The following LRRC75A variants were observed in gnomAD, a reference collection of about 807,000 sequenced individuals.
The protein encoded by LRRC75A is leucine rich repeat containing 75A.
Under a neutral mutation model 26.0 loss-of-function variants are expected in LRRC75A, and 12 were observed. The ratio of observed to expected loss-of-function variants is 0.46; its 90% CI spans 0.30 to 0.75. The LOEUF is 0.75. Ranked by LOEUF, LRRC75A falls within the 30% of genes least tolerant of loss-of-function variation. LRRC75A has a pLI of 0.08. For synonymous variants in LRRC75A, 223 were observed against 219.3 expected, an observed-to-expected ratio of 1.02 and a Z score of -0.15; for missense variants, 410 against 486.6, an observed-to-expected ratio of 0.84 and a Z score of 1.48.
chr17:16,447,787 G>C, intron 3 of LRRC75A, 58 bp downstream of exon 3: 1 of 1,305,312 alleles, frequency 7.7e-7, no homozygotes, highest in Non-Finnish European at 1.0e-6. Context: ...CCCTGGGAGG[G>C]GTGCCCTGTA....
At chr17:16,482,806 T>C (rs957231153) in intron 1 of LRRC75A, among the ~76,000 whole-genome samples, 4 of 152,238 alleles carry the variant, frequency 2.6e-5, no homozygotes, top group African/African-American at 9.6e-5. Flanking sequence ...CTTTCCCTAC[T>C]TGTCCCAACT....
Position 16,462,363 on chromosome 17 carries a change from C to G in LRRC75A, c.270G>C (p.Ser90=). ...CGTAGCGATACAGAACGTCGTCTAG[C>G]GAGGTCGACTCCATGCCCAGGTCCT... is the stretch of plus-strand genomic sequence containing the variant. The part of the protein sequence containing the change: ...LRQDLGMEST[S]LDDVLYRYAS... The change falls in exon 2 of 4, where the codon TCG becomes TCC. Residue 90 remains serine (S), a synonymous_variant. Transcript: ENST00000470794. This position sits in a 1 kb window ranked among gnomAD's most constrained non-coding sequence, Gnocchi z 4.6. 1 of 1,614,090 alleles carries G rather than the reference C, an allele frequency of 6.2e-7. No individual in the cohort carries two copies. The highest frequency in any genetic ancestry group is 8.5e-7 in the Non-Finnish European group (1 of 1,180,020).
At chr17:16,453,302 A>ACACACG (rs371332785) in intron 2 of LRRC75A, among the ~76,000 whole-genome samples, 2 of 100,470 alleles carry the variant, frequency 2.0e-5, no homozygotes, top group South Asian at 2.7e-4. Context: ...TCCTAAACAC[A>ACACACG]CACACACACG....
In LRRC75A at chr17:16,443,806, C is replaced by T. The variant is rs757875104; in HGVS notation, c.817G>A (p.Asp273Asn). 1 of 1,613,954 alleles carries T rather than the reference C, an allele frequency of 6.2e-7. No individual in the cohort carries two copies. Residue 273 changes from aspartate (D) to asparagine (N), a missense_variant, in exon 4 of 4, where the codon GAC (aspartate) becomes AAC (asparagine). Asp to Asn is a conservative substitution (Grantham distance 23). Transcript: ENST00000470794. Reference protein sequence around the residue: ...VTWIDLGNNVDIFSLPQPFLL... With the variant: ...VTWIDLGNNVNIFSLPQPFLL... The stretch of plus-strand genomic sequence containing the variant: ...AAGGGCTGGGGCAAGGAGAAGATGT[C>T]CACGTTGTTGCCCAGGTCAATCCAC...
intron 1 of LRRC75A, among the ~76,000 whole-genome samples, chr17:16,482,840 C>G (rs965983607): frequency 6.6e-6 from 1 of 152,258 alleles, no homozygotes; most frequent in Non-Finnish European, 1.5e-5. Context: ...CTTAGGTGCC[C>G]AGGGACGTAT....
rs1555888924 is a variant in LRRC75A at position 16,456,267 on chromosome 17, G to GGAT, written c.375+5990_375+5991insATC. On this transcript the variant is annotated intron_variant, in intron 2 of 3. Transcript: ENST00000470794. ...AGAAGAAGGAAGAGGATCAGGAAGA[G>GGAT]GAGGAGGAGGAAGAGGAGGAGGAAG... is the stretch of plus-strand genomic sequence containing the variant. Among the ~76,000 whole-genome samples the GGAT allele has an allele frequency of 3.2e-5, 4 of 124,196 alleles. 1 individual carries two copies. The highest frequency in any genetic ancestry group is 1.3e-4 in the African/African-American group (4 of 31,628). The allele number at this position is 124,196 out of a possible 152,430, so 81.5% of individuals were successfully genotyped here.
chr17:16,472,667 G>T (rs543819133), intron 1 of LRRC75A, among the ~76,000 whole-genome samples: 1 of 152,326 alleles, frequency 6.6e-6, no homozygotes, highest in East Asian at 1.9e-4. Context: ...AGAATTAGGC[G>T]TATCAGAGTA....
In LRRC75A at chr17:16,448,832, G is replaced by A. The variant is rs375050128; in HGVS notation, c.376-872C>T. Among the ~76,000 whole-genome samples the A allele has an allele frequency of 3.9e-5, 6 of 152,336 alleles. No homozygotes were observed. The East Asian group carries it at 7.7e-4, about 20-fold the overall frequency. On this transcript the variant is annotated intron_variant, in intron 2 of 3. Coordinates refer to ENST00000470794, the MANE Select transcript of LRRC75A (RefSeq NM_001113567.3). ...GCCTCAGAAGGAAACCCACCAGCCA[G>A]CCTTGGACTTCTAGCCTTCAGAGCT...
intron 3 of LRRC75A, chr17:16,446,874 C>T (rs1326255802): frequency 2.6e-6 from 1 of 385,032 alleles, no homozygotes; most frequent in Non-Finnish European, 5.2e-6. Context: ...ACCATCACAG[C>T]CTTACACTGT....
At chr17:16,451,939 G>A (rs2093634791) in intron 2 of LRRC75A, among the ~76,000 whole-genome samples, 1 of 151,202 alleles carries the variant, frequency 6.6e-6, no homozygotes, top group African/African-American at 2.4e-5. Flanking sequence ...TAGAGACGGG[G>A]GGTCTCACTG....
At chr17:16,455,774 G>C (rs73980134) in intron 2 of LRRC75A, among the ~76,000 whole-genome samples, 6 of 152,220 alleles carry the variant, frequency 3.9e-5, no homozygotes, top group African/African-American at 9.6e-5. Flanking sequence ...CTCCCAGCTT[G>C]TAAGACGGAG....
chr17:16,464,575 C>A (rs1265212593), intron 1 of LRRC75A, among the ~76,000 whole-genome samples: 2 of 152,212 alleles, frequency 1.3e-5, no homozygotes, highest in Non-Finnish European at 2.9e-5. Context: ...TACATTTCTG[C>A]CCCCTCCTCC....
Position 16,488,030 on chromosome 17 carries a change from C to T in LRRC75A, c.246+3715G>A, listed in dbSNP as rs1601207849. 4.6e-5 allele frequency among the ~76,000 whole-genome samples: 7 copies of T among 152,350 alleles called. No individual in the cohort carries two copies. The South Asian group carries it at 1.5e-3, about 32-fold the overall frequency. On this transcript the variant is annotated intron_variant, in intron 1 of 3. Coordinates refer to ENST00000470794, the MANE Select transcript of LRRC75A (RefSeq NM_001113567.3). ...GAAACAGACGCCTTTTTCTGCTGCT[C>T]CATGACGCAGGCCGACAGCTCAGTC...
Position 16,462,482 on chromosome 17 carries a change from C to T in LRRC75A, c.247-96G>A. ...AGTAGGCACAGACCCCTAGAGGCGA[C>T]TCTGCCTCCCAGAGCCCCGGTGGGG... On this transcript the variant is annotated intron_variant, in intron 1 of 3. Coordinates refer to ENST00000470794, the MANE Select transcript of LRRC75A (RefSeq NM_001113567.3). The surrounding 1 kb of genome is among the most constrained non-coding windows in gnomAD (Gnocchi z 4.6). 6.6e-7 allele frequency: 1 copy of T among 1,521,776 alleles called. No homozygotes were observed. Among genetic ancestry groups the T allele is most frequent in the Non-Finnish European group, 8.9e-7 (1 of 1,128,032 alleles). 94.3% of individuals were successfully genotyped at this position (1,521,776 alleles called of 1,614,324 possible). A position where few individuals can be genotyped will look rare whatever the true frequency, so the allele number is the denominator to read the frequency against.
At chr17:16,467,409 G>GTA (rs1390973148) in intron 1 of LRRC75A, among the ~76,000 whole-genome samples, 1 of 152,202 alleles carries the variant, frequency 6.6e-6, no homozygotes, top group Non-Finnish European at 1.5e-5. Context: ...GGCATGGAGT[G>GTA]TACATGATCA....
chr17:16,470,835 G>A (rs1193794035), intron 1 of LRRC75A, among the ~76,000 whole-genome samples: 1 of 152,176 alleles, frequency 6.6e-6, no homozygotes, highest in Non-Finnish European at 1.5e-5. Context: ...TTCTCTCATA[G>A]TTTTGGAGAC....
At chr17:16,471,779 C>T (rs1386960091) in intron 1 of LRRC75A, among the ~76,000 whole-genome samples, 5 of 152,214 alleles carry the variant, frequency 3.3e-5, no homozygotes, top group Non-Finnish European at 4.4e-5. Context: ...GAAGACTCCA[C>T]TAAGAGAAAT....
At chr17:16,446,472 G>A (rs1280995186) in intron 3 of LRRC75A, among the ~76,000 whole-genome samples, 2 of 152,146 alleles carry the variant, frequency 1.3e-5, no homozygotes, top group Admixed American at 1.3e-4. Context: ...CCAGCAGAGG[G>A]CACAAAGGCC....
In LRRC75A at chr17:16,462,471, C is replaced by G; in HGVS notation, c.247-85G>C. 1 of 1,559,678 alleles carries G rather than the reference C, an allele frequency of 6.4e-7. No homozygotes were observed. Among genetic ancestry groups the G allele is most frequent in the Non-Finnish European group, 8.7e-7 (1 of 1,152,234 alleles). On this transcript the variant is annotated intron_variant, in intron 1 of 3. Coordinates refer to ENST00000470794, the MANE Select transcript of LRRC75A (RefSeq NM_001113567.3). This position sits in a 1 kb window ranked among gnomAD's most constrained non-coding sequence, Gnocchi z 4.6. ...TCCCCAAGAGAAGTAGGCACAGACC[C>G]CTAGAGGCGACTCTGCCTCCCAGAG...
Sources: gnomAD v4.1 joint callset for allele counts (sites outside exome capture counted in the v4.1 genomes callset) on GRCh38, gnomAD v4.1.1 for gene constraint, Gnocchi (gnomAD v3.1) non-coding constraint, MANE v1.5 for transcripts, NCBI Gene and HGNC (gene_info 2026-07-23, HGNC 2026-07-21) for gene names.